Variants in TNKS1BP1 observed in about 807,000 individuals in gnomAD.
TNKS1BP1 encodes 182 kDa tankyrase-1-binding protein.
A neutral mutation model predicts 141.1 loss-of-function variants in TNKS1BP1; 48 were observed. The observed-to-expected ratio is 0.34, with a 90% CI of 0.27 to 0.43. The LOEUF (loss-of-function observed/expected upper bound fraction) is 0.43. Ranked by LOEUF, TNKS1BP1 falls within the 20% of genes least tolerant of loss-of-function variation. The probability of loss-of-function intolerance (pLI) is 1.00; values close to 1 mark genes in which losing one functional copy is unlikely to be tolerated. For missense variants in TNKS1BP1, 2,149 were observed against 2,226.0 expected (o/e 0.97, Z 0.70); for synonymous variants, 875 against 898.2 (o/e 0.97, Z 0.46).
Position 57,313,858 on chromosome 11 carries a change from G to A in TNKS1BP1, c.830C>T (p.Ala277Val), listed in dbSNP as rs780500590. 2.6e-6 allele frequency: 4 copies of A among 1,517,082 alleles called. No homozygotes were observed. Among genetic ancestry groups the A allele is most frequent in the African/African-American group, 1.4e-5 (1 of 71,672 alleles). The allele number at this position is 1,517,082 out of a possible 1,614,324, so 94.0% of individuals were successfully genotyped here. ...AGGGCCTCCATTCTCTGAGGAGGGG[G>A]CTGGACTTGAGGGAATCCAGGGCTT... is the stretch of plus-strand genomic sequence containing the variant. ...ISKPWIPSSPAPSSENGGPAS... is the reference protein window; with the variant it reads ...ISKPWIPSSPVPSSENGGPAS... Residue 277 changes from alanine to valine, a missense_variant, in exon 5 of 12, where the codon GCC becomes GTC. Ala to Val is a moderately conservative substitution (Grantham distance 64). Transcript: ENST00000358252.
Position 57,302,296 on chromosome 11 carries a change from C to A in TNKS1BP1, c.4684-72G>T, listed in dbSNP as rs1204378457. 2 of 1,558,538 alleles carry A rather than the reference C, an allele frequency of 1.3e-6. No homozygotes were observed. The highest frequency in any genetic ancestry group is 2.7e-5 in the African/African-American group (2 of 73,802). On this transcript the variant is annotated intron_variant, in intron 7 of 11. Coordinates refer to ENST00000358252, the MANE Select transcript of TNKS1BP1 (RefSeq NM_033396.3). The surrounding 1 kb of genome is among the most constrained non-coding windows in gnomAD (Gnocchi z 5.5). ...CGGGAGCCCCTCAACAGTAGCTGAC[C>A]AGGAGCTGGACCCCTCCTGCAGCCG... is the stretch of plus-strand genomic sequence containing the variant.
intron 10 of TNKS1BP1, 41 bp downstream of exon 10, chr11:57,300,843 T>A: frequency 6.2e-7 from 1 of 1,600,648 alleles, no homozygotes; most frequent in African/African-American, 1.3e-5. Flanking sequence ...ATCAGGGTAA[T>A]ACAGTGAGGT....
rs1440291073 is a variant in TNKS1BP1, at chr11:57,313,292, C to G, written c.1396G>C (p.Ala466Pro). 2 of 1,612,852 alleles carry G rather than the reference C, an allele frequency of 1.2e-6. No homozygotes were observed. Among genetic ancestry groups the G allele is most frequent in the East Asian group, 4.5e-5 (2 of 44,884 alleles). The change falls in exon 5 of 12, where the codon GCA becomes CCA. Residue 466 changes from alanine to proline, a missense_variant. Transcript: ENST00000358252. Reference protein sequence around the residue: ...SQLALDRPFGAESNWSLSQSF... With the variant: ...SQLALDRPFGPESNWSLSQSF... ...TGTGATAAGCTCCAGTTGGACTCTG[C>G]CCCAAAGGGACGATCCAGGGCCAAC... is the stretch of plus-strand genomic sequence containing the variant.
intron 2 of TNKS1BP1, among the ~76,000 whole-genome samples, 164 bp downstream of exon 2, chr11:57,321,628 G>C (rs935962406): frequency 6.6e-6 from 1 of 152,204 alleles, no homozygotes; most frequent in African/African-American, 2.4e-5. Flanking sequence ...AGAGTCTCAA[G>C]AGAAGCTGAG....
chr11:57,307,019 C>T (rs1231466524), intron 6 of TNKS1BP1, among the ~76,000 whole-genome samples: 1 of 152,078 alleles, frequency 6.6e-6, no homozygotes, highest in Non-Finnish European at 1.5e-5. Context: ...TAAGGGGTCA[C>T]ACCACCTTTC....
intron 6 of TNKS1BP1, among the ~76,000 whole-genome samples, chr11:57,303,995 TCA>T (rs1397652044): frequency 1.3e-5 from 2 of 151,984 alleles, no homozygotes; most frequent in African/African-American, 4.8e-5. Flanking sequence ...TTCATCACCA[TCA>T]CACACACTCA....
At chr11:57,301,771 AT>A in intron 9 of TNKS1BP1, 35 bp downstream of exon 9, 1 of 1,591,936 alleles carries the variant, frequency 6.3e-7, no homozygotes. Flanking sequence ...ACCTGGCCAG[AT>A]GGCTGGACAT....
intron 9 of TNKS1BP1, among the ~76,000 whole-genome samples, chr11:57,301,570 C>A (rs554100809): frequency 2.0e-5 from 3 of 152,340 alleles, no homozygotes; most frequent in Admixed American, 6.5e-5. Context: ...CCCACTGCCC[C>A]TGAGGTTCCA....
chr11:57,306,904 G>T (rs1024804722), intron 6 of TNKS1BP1, among the ~76,000 whole-genome samples: 8 of 24,834 alleles, frequency 3.2e-4, no homozygotes, highest in Non-Finnish European at 9.0e-4. Context: ...CTGTGGTGGT[G>T]GGGGGGGGGG....
In TNKS1BP1 at chr11:57,310,057, T is replaced by G. The variant is rs1441118769; in HGVS notation, c.2654A>C (p.Asp885Ala). Residue 885 changes from aspartate to alanine, a missense_variant, in exon 6 of 12, where the codon GAC (aspartate) becomes GCC (alanine). Transcript: ENST00000358252. ...TYSSRDVSLG[D>A]WEFGKRDSLG... ...AGAATCTCTCTTCCCAAATTCCCAGTCCCCAAGGCTTACATCTCGACTACT... is the reference window on the plus strand; with the variant it reads ...AGAATCTCTCTTCCCAAATTCCCAGGCCCCAAGGCTTACATCTCGACTACT... The G allele has an allele frequency of 6.2e-7, 1 of 1,614,104 alleles. No individual in the cohort carries two copies. Among genetic ancestry groups the G allele is most frequent in the South Asian group, 1.1e-5 (1 of 91,066 alleles).
intron 1 of TNKS1BP1, 130 bp from the exon 2 acceptor site, chr11:57,322,080 G>GC: frequency 1.3e-6 from 1 of 774,210 alleles, no homozygotes. Context: ...GTGGGGGGGG[G>GC]GGGGTAGGAG....
intron 3 of TNKS1BP1, 62 bp downstream of exon 3, chr11:57,320,017 A>AAACCACCC: frequency 2.1e-6 from 1 of 483,138 alleles, no homozygotes; most frequent in East Asian, 6.0e-5. Context: ...CCCAGCCCCC[A>AAACCACCC]CCCAATCCCA....
In TNKS1BP1 at chr11:57,302,067, G is replaced by A; in HGVS notation, c.4834+7C>T. 1 of 1,610,826 alleles carries A rather than the reference G, an allele frequency of 6.2e-7. No homozygotes were observed. Among genetic ancestry groups the A allele is most frequent in the South Asian group, 1.1e-5 (1 of 91,026 alleles). On this transcript the variant is annotated splice_region_variant and intron_variant, in intron 8 of 11. Coordinates refer to ENST00000358252, the MANE Select transcript of TNKS1BP1 (RefSeq NM_033396.3). This position sits in a 1 kb window ranked among gnomAD's most constrained non-coding sequence, Gnocchi z 5.5. The stretch of plus-strand genomic sequence containing the variant: ...AGAGACATCACCAAATAATACATCA[G>A]CCCTACCTGTAGAGTCCTGGAACAG...
intron 3 of TNKS1BP1, 57 bp downstream of exon 3, chr11:57,320,022 A>AACCC: frequency 2.0e-5 from 22 of 1,118,648 alleles, no homozygotes; most frequent in Middle Eastern, 2.2e-4. Flanking sequence ...CCCCCACCCA[A>AACCC]TCCCACCCCA....
At chr11:57,301,100 G>A in intron 9 of TNKS1BP1, 59 bp from the exon 10 acceptor site, 1 of 1,496,754 alleles carries the variant, frequency 6.7e-7, no homozygotes, top group Non-Finnish European at 9.0e-7. Flanking sequence ...GGACTCTCAG[G>A]GGGTAAGACC....
rs1855945422 is a variant in TNKS1BP1 at position 57,324,896 on chromosome 11, G to T, written c.-122C>A. 1 of 981,958 alleles carries T rather than the reference G, an allele frequency of 1.0e-6. No homozygotes were observed. Among genetic ancestry groups the T allele is most frequent in the Non-Finnish European group, 1.2e-6 (1 of 826,844 alleles). 60.8% of individuals were successfully genotyped at this position (981,958 alleles called of 1,614,324 possible). On this transcript the variant is annotated 5_prime_UTR_variant, in exon 1 of 12. Coordinates refer to ENST00000358252, the MANE Select transcript of TNKS1BP1 (RefSeq NM_033396.3). ...CGGGGCCCCGATGCCAGTCCCCGCC[G>T]CCGCCGCCGCTGCTACCGCCGCCGC...
At position 57,309,936 on chromosome 11, in the gene TNKS1BP1, C is replaced by T. The variant is rs753868060; in HGVS notation, c.2775G>A (p.Glu925=). ...HGRYSSQDAD[E]QDWEFQKRDV... Reference sequence around the variant, plus strand: ...CTCTCTTCTGAAACTCCCAGTCCTGCTCATCGGCATCCTGGCTGCTGTACC... The same window carrying T: ...CTCTCTTCTGAAACTCCCAGTCCTGTTCATCGGCATCCTGGCTGCTGTACC... Residue 925 remains glutamate, a synonymous_variant, in exon 6 of 12, where the codon GAG becomes GAA. Coordinates refer to ENST00000358252, the MANE Select transcript of TNKS1BP1 (RefSeq NM_033396.3). This position sits in a 1 kb window ranked among gnomAD's most constrained non-coding sequence, Gnocchi z 4.3. 1 of 1,614,136 alleles carries T rather than the reference C, an allele frequency of 6.2e-7. No homozygotes were observed. The highest frequency in any genetic ancestry group is 8.5e-7 in the Non-Finnish European group (1 of 1,180,044).
At position 57,302,294 on chromosome 11, in the gene TNKS1BP1, A is replaced by T; in HGVS notation, c.4684-70T>A. On this transcript the variant is annotated intron_variant, in intron 7 of 11. Transcript: ENST00000358252. This position sits in a 1 kb window ranked among gnomAD's most constrained non-coding sequence, Gnocchi z 5.5. ...CACGGGAGCCCCTCAACAGTAGCTG[A>T]CCAGGAGCTGGACCCCTCCTGCAGC... 1 of 1,560,246 alleles carries T rather than the reference A, an allele frequency of 6.4e-7. No homozygotes were observed. Among genetic ancestry groups the T allele is most frequent in the Non-Finnish European group, 8.7e-7 (1 of 1,151,086 alleles).
intron 4 of TNKS1BP1, among the ~76,000 whole-genome samples, chr11:57,315,631 T>C (rs1300567778): frequency 1.3e-5 from 2 of 151,328 alleles, no homozygotes; most frequent in Non-Finnish European, 2.9e-5. Flanking sequence ...TCCCAGGCAA[T>C]GTTTTAGCAT....
Sources: allele counts gnomAD v4.1 joint callset (sites outside exome capture counted in the v4.1 genomes callset), GRCh38; gene constraint gnomAD v4.1.1; non-coding constraint Gnocchi (gnomAD v3.1); transcripts MANE v1.5; gene names NCBI Gene and HGNC (gene_info 2026-07-23, HGNC 2026-07-21).